The following TENM2 variants were observed in gnomAD, a reference collection of about 807,000 sequenced individuals.
TENM2 encodes the protein teneurin-2.
In TENM2, 52 loss-of-function variants were observed where a neutral mutation model predicts 245.2. That is an observed-to-expected ratio of 0.21 (90% CI 0.17 to 0.27). The LOEUF is 0.27. TENM2 is among the 10% of genes least tolerant of loss of function. The probability of loss-of-function intolerance (pLI) is 1.00; values close to 1 mark genes in which losing one functional copy is unlikely to be tolerated. For missense variants in TENM2, 3,046 were observed against 3,666.8 expected (o/e 0.83, Z 4.37); for synonymous variants, 1,363 against 1,438.9 (o/e 0.95, Z 1.19).
chr5:167,500,810 T>G (rs966634090), intron 2 of TENM2, among the ~76,000 whole-genome samples: 1 of 152,116 alleles, frequency 6.6e-6, no homozygotes, highest in Non-Finnish European at 1.5e-5. Context: ...ACTTTGGGTC[T>G]AGGGAAGAGA....
At chr5:167,904,042 A>G (rs943047846) in intron 3 of TENM2, among the ~76,000 whole-genome samples, 6 of 152,220 alleles carry the variant, frequency 3.9e-5, no homozygotes, top group Middle Eastern at 3.2e-3. Context: ...TCTAGACCAG[A>G]TGACAGAGAA....
intron 2 of TENM2, among the ~76,000 whole-genome samples, chr5:167,814,453 C>CAA (rs11324953): frequency 9.4e-4 from 79 of 83,880 alleles, no homozygotes; most frequent in Middle Eastern, 7.1e-3. Context: ...CACTCCGATT[C>CAA]AAAAAAAAAA....
intron 3 of TENM2, among the ~76,000 whole-genome samples, chr5:167,919,878 T>C (rs1021654357): frequency 6.6e-6 from 1 of 152,034 alleles, no homozygotes; most frequent in Non-Finnish European, 1.5e-5. Flanking sequence ...GTTTTATTTG[T>C]GTTTCCTAAA....
At chr5:167,750,676 C>T (rs984266939) in intron 2 of TENM2, among the ~76,000 whole-genome samples, 7 of 152,058 alleles carry the variant, frequency 4.6e-5, no homozygotes, top group Non-Finnish European at 1.0e-4. Flanking sequence ...ACCAAAGGAA[C>T]CAGTCTGCCA....
chr5:167,082,981 A>G, the TENM2 span, among the ~76,000 whole-genome samples: 2 of 152,032 alleles, frequency 1.3e-5, no homozygotes, highest in Non-Finnish European at 2.9e-5. Flanking sequence ...TGCTGGAAAG[A>G]CGGTTGGGAA....
At chr5:167,361,015 G>A (rs963003940) in intron 1 of TENM2, among the ~76,000 whole-genome samples, 4 of 152,082 alleles carry the variant, frequency 2.6e-5, no homozygotes, top group Admixed American at 2.0e-4. Context: ...CATAACTTTA[G>A]CCCAAATTGA....
the TENM2 span, among the ~76,000 whole-genome samples, chr5:167,216,751 C>A: frequency 6.6e-6 from 1 of 152,044 alleles, no homozygotes; most frequent in Non-Finnish European, 1.5e-5. Context: ...CATGGTGAAA[C>A]CCCTGTCCCT....
chr5:168,095,343 T>C (rs972836205), intron 8 of TENM2, among the ~76,000 whole-genome samples: 7 of 152,084 alleles, frequency 4.6e-5, no homozygotes, highest in African/African-American at 1.4e-4. Flanking sequence ...TGCATCCACA[T>C]TGGATTCAGT....
At chr5:167,564,932 A>G (rs535130051) in intron 2 of TENM2, among the ~76,000 whole-genome samples, 5 of 152,364 alleles carry the variant, frequency 3.3e-5, no homozygotes, top group Non-Finnish European at 7.3e-5. Context: ...CAGAGTCAGT[A>G]TGAGAGAGAA....
rs181869407 is a variant in TENM2 at position 167,317,570 on chromosome 5, A to G, written c.226+32507A>G. 1.3e-3 allele frequency among the ~76,000 whole-genome samples: 198 copies of G among 152,270 alleles called. 3 individuals are homozygous for G. Among genetic ancestry groups the G allele is most frequent in the Admixed American group, 0.012 (176 of 15,294 alleles). On this transcript the variant is annotated intron_variant, in intron 1 of 28. Transcript: ENST00000518659. ...CTCAACGGAAATTTTCCACATCTCCATCTCTGTAACTCCACTGTCAAGAGC... is the reference window on the plus strand; with the variant it reads ...CTCAACGGAAATTTTCCACATCTCCGTCTCTGTAACTCCACTGTCAAGAGC...
At chr5:167,341,417 G>A (rs1035582590) in intron 1 of TENM2, among the ~76,000 whole-genome samples, 1 of 151,912 alleles carries the variant, frequency 6.6e-6, no homozygotes, top group African/African-American at 2.4e-5. Context: ...CTTATTTTAT[G>A]TTTAAACTGA....
intron 2 of TENM2, among the ~76,000 whole-genome samples, chr5:167,553,024 A>G (rs2127625115): frequency 6.6e-6 from 1 of 152,358 alleles, no homozygotes; most frequent in Admixed American, 6.5e-5. Flanking sequence ...TCAAATAGGC[A>G]ACCAATAAAG....
intron 1 of TENM2, among the ~76,000 whole-genome samples, chr5:167,353,087 A>G (rs1040614316): frequency 4.6e-5 from 7 of 152,196 alleles, no homozygotes; most frequent in Admixed American, 4.6e-4. Flanking sequence ...TTATCAGCCA[A>G]TGCGCAGAAA....
intron 2 of TENM2, among the ~76,000 whole-genome samples, chr5:167,778,794 A>G (rs1480142040): frequency 6.6e-6 from 1 of 152,218 alleles, no homozygotes; most frequent in Non-Finnish European, 1.5e-5. Context: ...TAGGCTTATG[A>G]TGCCTTTCTT....
At chr5:168,190,471 T>C in exon 14 of TENM2, 1 of 1,614,014 alleles carries the variant, frequency 6.2e-7, no homozygotes, top group Non-Finnish European at 8.5e-7. Flanking sequence ...AGTGAAGTCC[T>C]TCTATGACCG....
chr5:167,535,278 C>T (rs570178852), intron 2 of TENM2, among the ~76,000 whole-genome samples: 23 of 151,908 alleles, frequency 1.5e-4, no homozygotes, highest in Non-Finnish European at 2.2e-4. Context: ...CCCTTTTCTG[C>T]GCCTCAAAGG....
chr5:167,564,681 C>T (rs1481740302), intron 2 of TENM2, among the ~76,000 whole-genome samples: 1 of 152,136 alleles, frequency 6.6e-6, no homozygotes, highest in East Asian at 1.9e-4. Context: ...CTCACTTGTA[C>T]AGTTTCATCT....
chr5:168,066,145 C>T (rs908993744), intron 7 of TENM2, among the ~76,000 whole-genome samples: 4 of 152,202 alleles, frequency 2.6e-5, no homozygotes, highest in African/African-American at 4.8e-5. Flanking sequence ...TTAACAAGAA[C>T]TTTGCTCAAT....
chr5:167,064,391 C>T, the TENM2 span, among the ~76,000 whole-genome samples: 6 of 152,306 alleles, frequency 3.9e-5, no homozygotes, highest in East Asian at 1.2e-3. Flanking sequence ...TATCATTATG[C>T]GTGAGCCATG....
Sources: allele counts gnomAD v4.1 joint callset (sites outside exome capture counted in the v4.1 genomes callset), GRCh38; gene constraint gnomAD v4.1.1; transcripts MANE v1.5; gene names NCBI Gene and HGNC (gene_info 2026-07-23, HGNC 2026-07-21).